CPM: variants seen among roughly 807,000 people sequenced by gnomAD.
CPM encodes carboxypeptidase M.
Under a neutral mutation model 46.4 loss-of-function variants are expected in CPM, and 35 were observed. That is an observed-to-expected ratio of 0.75 (90% CI 0.58 to 1.00). The LOEUF (loss-of-function observed/expected upper bound fraction) is 1.00. CPM is among the 50% of genes least tolerant of loss of function. The probability of loss-of-function intolerance (pLI) is 0.00; values close to 1 mark genes in which losing one functional copy is unlikely to be tolerated. For synonymous variants in CPM, 195 were observed against 195.3 expected (o/e 1.00, Z 0.01); for missense variants, 422 against 530.4 (o/e 0.80, Z 2.01).
chr12:68,889,537 T>C (rs531864727), intron 2 of CPM, among the ~76,000 whole-genome samples: 1 of 152,280 alleles, frequency 6.6e-6, no homozygotes, highest in Non-Finnish European at 1.5e-5. Flanking sequence ...TTAAATTAAA[T>C]AATGGATGAG....
In CPM at chr12:68,869,435, G is replaced by A. The variant is rs775950249; in HGVS notation, c.677C>T (p.Ala226Val). The A allele has an allele frequency of 6.2e-7, 1 of 1,613,768 alleles. No homozygotes were observed. The highest frequency in any genetic ancestry group is 1.1e-5 in the South Asian group (1 of 91,016). The change falls in exon 6 of 9, where the codon GCA becomes GTA. Residue 226 changes from alanine (A) to valine (V), a missense_variant. Transcript: ENST00000551568. ...GGGATTTCTTGAAGCATAGGTATGT[G>A]CAAGATATTGAAAAACATCATCATC... ...TPDDDVFQYL[A>V]HTYASRNPNM...
At chr12:68,872,052 C>A in intron 3 of CPM, 96 bp from the exon 4 acceptor site, 1 of 1,225,170 alleles carries the variant, frequency 8.2e-7, no homozygotes, top group Non-Finnish European at 1.1e-6. Context: ...GGTCTCTACA[C>A]ATGATATCTC....
intron 2 of CPM, among the ~76,000 whole-genome samples, chr12:68,923,754 C>T (rs1239650880): frequency 6.6e-6 from 1 of 152,050 alleles, no homozygotes; most frequent in Non-Finnish European, 1.5e-5. Context: ...TGAGAGTCAC[C>T]GTGAACATAT....
chr12:68,906,911 G>C (rs934926788), intron 2 of CPM, among the ~76,000 whole-genome samples: 1 of 152,236 alleles, frequency 6.6e-6, no homozygotes, highest in Admixed American at 6.5e-5. Flanking sequence ...GGACTGCATA[G>C]TATTCCGTCA....
At chr12:68,921,608 GC>G (rs1243457658) in intron 2 of CPM, among the ~76,000 whole-genome samples, 1 of 152,110 alleles carries the variant, frequency 6.6e-6, no homozygotes, top group African/African-American at 2.4e-5. Flanking sequence ...GTCCTTTACT[GC>G]CTGAAAGTCC....
intron 2 of CPM, among the ~76,000 whole-genome samples, chr12:68,931,530 G>C (rs1197625475): frequency 1.3e-5 from 2 of 151,902 alleles, no homozygotes; most frequent in Admixed American, 1.3e-4. Context: ...GGATCACAAG[G>C]TCAGGAGTTT....
chr12:68,885,576 G>T (rs958525179), intron 3 of CPM, among the ~76,000 whole-genome samples: 1 of 152,200 alleles, frequency 6.6e-6, no homozygotes, highest in African/African-American at 2.4e-5. Flanking sequence ...CTCTGACAGG[G>T]TGCTGGGTAC....
intron 2 of CPM, among the ~76,000 whole-genome samples, chr12:68,928,425 G>A (rs1218180055): frequency 2.0e-5 from 3 of 152,112 alleles, no homozygotes; most frequent in African/African-American, 7.2e-5. Context: ...GAATAGAGAG[G>A]TGCTTGGGAA....
At chr12:68,879,808 A>G (rs1886109254) in intron 3 of CPM, among the ~76,000 whole-genome samples, 1 of 152,212 alleles carries the variant, frequency 6.6e-6, no homozygotes, top group South Asian at 2.1e-4. Context: ...ATAGAAGATA[A>G]GCACAAAACA....
intron 3 of CPM, among the ~76,000 whole-genome samples, chr12:68,883,945 A>AT (rs1366756262): frequency 6.6e-6 from 1 of 151,010 alleles, no homozygotes; most frequent in Non-Finnish European, 1.5e-5. Context: ...AAAAAAAAAA[A>AT]AAATACAAAA....
intron 2 of CPM, among the ~76,000 whole-genome samples, chr12:68,910,856 TAAAG>T (rs1337927864): frequency 6.6e-6 from 1 of 152,118 alleles, no homozygotes; most frequent in Non-Finnish European, 1.5e-5. Context: ...GGCCCAATGA[TAAAG>T]AGTGATAAAA....
At chr12:68,935,594 G>A (rs1888661227), upstream of CPM, among the ~76,000 whole-genome samples, 1 of 151,930 alleles carries the variant, frequency 6.6e-6, no homozygotes, top group Non-Finnish European at 1.5e-5. Flanking sequence ...CCTGGCCTAA[G>A]AGTTGGAAGT....
intron 1 of CPM, among the ~76,000 whole-genome samples, chr12:68,956,702 G>A (rs1337288818): frequency 1.3e-5 from 2 of 152,190 alleles, no homozygotes; most frequent in Non-Finnish European, 2.9e-5. Flanking sequence ...CAGGAGCCAA[G>A]GTTAGAACCT....
chr12:68,908,537 T>G (rs1887448331), intron 2 of CPM, among the ~76,000 whole-genome samples: 1 of 152,056 alleles, frequency 6.6e-6, no homozygotes. Flanking sequence ...CTTACCAAAG[T>G]CATACATACT....
chr12:68,947,117 C>G (rs1002480723), intron 1 of CPM, among the ~76,000 whole-genome samples: 15 of 152,154 alleles, frequency 9.9e-5, no homozygotes, highest in African/African-American at 3.6e-4. Context: ...AACCTGCATT[C>G]AAGAGCACAG....
intron 2 of CPM, chr12:68,913,917 T>C: frequency 1.4e-6 from 1 of 715,916 alleles, no homozygotes; most frequent in Non-Finnish European, 2.6e-6. Context: ...TCAAAAGAAT[T>C]TACAGTCACA....
intron 2 of CPM, among the ~76,000 whole-genome samples, chr12:68,919,373 T>C (rs1887942651): frequency 6.6e-6 from 1 of 152,256 alleles, no homozygotes; most frequent in African/African-American, 2.4e-5. Flanking sequence ...CCTTGTTTTT[T>C]GTTTGCCTCC....
intron 2 of CPM, among the ~76,000 whole-genome samples, chr12:68,887,547 C>A (rs914528778): frequency 1.3e-5 from 2 of 152,150 alleles, no homozygotes; most frequent in South Asian, 2.1e-4. Flanking sequence ...TCAGAAAACA[C>A]CCACAAAATG....
At chr12:68,903,589 T>C (rs1176492073) in intron 2 of CPM, among the ~76,000 whole-genome samples, 1 of 152,236 alleles carries the variant, frequency 6.6e-6, no homozygotes, top group African/African-American at 2.4e-5. Context: ...TAATAAGCCA[T>C]TTGAGTTTAC....
Sources: allele counts gnomAD v4.1 joint callset (sites outside exome capture counted in the v4.1 genomes callset), GRCh38; gene constraint gnomAD v4.1.1; transcripts MANE v1.5; gene names NCBI Gene and HGNC (gene_info 2026-07-23, HGNC 2026-07-21).